Variants in TATDN1 observed in about 807,000 individuals in gnomAD.
TATDN1 encodes TatD DNase domain containing 1.
In TATDN1, 40 loss-of-function variants were observed where a neutral mutation model predicts 46.4. The ratio of observed to expected loss-of-function variants is 0.86; its 90% confidence interval spans 0.67 to 1.12. The LOEUF is 1.12. Ranked by LOEUF, TATDN1 falls within the 50% of genes most tolerant of loss-of-function variation. The probability of loss-of-function intolerance (pLI) is 0.00; values close to 1 mark genes in which losing one functional copy is unlikely to be tolerated. For missense variants in TATDN1, 326 were observed against 348.4 expected (o/e 0.94, Z 0.51); for synonymous variants, 95 against 105.6 (o/e 0.90, Z 0.62).
In TATDN1 at chr8:124,522,209, GATAAACTCTGTATT is replaced by G. The variant is rs1277610865; in HGVS notation, c.89-23_89-10del. On this transcript the variant is annotated splice_polypyrimidine_tract_variant and intron_variant, in intron 2 of 11. Coordinates refer to ENST00000276692, the MANE Select transcript of TATDN1 (RefSeq NM_032026.4). Reference sequence around the variant, plus strand: ...TACATCCTGTAAGTCATCTGTAAAAGATAAACTCTGTATTATGAAAACCTGGCAGACAAAAATTT... The same window carrying G: ...TACATCCTGTAAGTCATCTGTAAAAGATGAAAACCTGGCAGACAAAAATTT... The G allele has an allele frequency of 7.6e-6, 12 of 1,573,826 alleles. No individual in the cohort carries two copies. Among genetic ancestry groups the G allele is most frequent in the Non-Finnish European group, 1.0e-5 (12 of 1,157,334 alleles).
At chr8:124,529,929 T>C (rs541808903) in intron 1 of TATDN1, among the ~76,000 whole-genome samples, 3 of 152,146 alleles carry the variant, frequency 2.0e-5, no homozygotes, top group Non-Finnish European at 4.4e-5. Flanking sequence ...CAGTCTCTAC[T>C]AAAAATACAA....
intron 9 of TATDN1, among the ~76,000 whole-genome samples, chr8:124,498,253 C>G (rs1449679517): frequency 1.3e-5 from 2 of 152,008 alleles, no homozygotes; most frequent in Non-Finnish European, 2.9e-5. Context: ...TTAGTGGGAC[C>G]TTCTTGTGGG....
At chr8:124,508,409 G>T in intron 8 of TATDN1, 65 bp downstream of exon 8, 1 of 1,378,454 alleles carries the variant, frequency 7.3e-7, no homozygotes, top group Non-Finnish European at 1.0e-6. Flanking sequence ...TTGTACTTGG[G>T]AGTATTTTGG....
At chr8:124,511,879 G>T (rs1322470370) in intron 6 of TATDN1, among the ~76,000 whole-genome samples, 1 of 152,118 alleles carries the variant, frequency 6.6e-6, no homozygotes, top group Non-Finnish European at 1.5e-5. Flanking sequence ...GTTAAGAAAG[G>T]TAGGCAGCAA....
chr8:124,514,217 A>G (rs1027472942), intron 6 of TATDN1, among the ~76,000 whole-genome samples: 2 of 152,068 alleles, frequency 1.3e-5, no homozygotes, highest in East Asian at 1.9e-4. Flanking sequence ...CTCCTCCCCA[A>G]AGTGATTTTC....
At chr8:124,527,539 G>A (rs1038523552) in intron 1 of TATDN1, among the ~76,000 whole-genome samples, 1 of 152,042 alleles carries the variant, frequency 6.6e-6, no homozygotes, top group African/African-American at 2.4e-5. Flanking sequence ...GTCTGGTATC[G>A]GTTAGTGAGG....
intron 11 of TATDN1, chr8:124,489,769 AT>A (rs1816794107): frequency 6.6e-6 from 1 of 152,200 alleles, no homozygotes; most frequent in African/African-American, 2.4e-5. Context: ...CTCCATACTT[AT>A]TATATATAAG....
intron 3 of TATDN1, among the ~76,000 whole-genome samples, chr8:124,519,346 T>C (rs992775907): frequency 6.6e-6 from 1 of 152,208 alleles, no homozygotes; most frequent in African/African-American, 2.4e-5. Context: ...CTCACTCTAC[T>C]GCAAGTGTCC....
At chr8:124,504,509 T>C (rs1818233161) in intron 8 of TATDN1, 162 bp from the exon 9 acceptor site, 5 of 434,116 alleles carry the variant, frequency 1.2e-5, no homozygotes, top group African/African-American at 2.1e-5. Flanking sequence ...TCATATTATT[T>C]TTCACAATTA....
intron 4 of TATDN1, among the ~76,000 whole-genome samples, chr8:124,517,964 C>A (rs1467198174): frequency 2.6e-5 from 4 of 152,112 alleles, no homozygotes; most frequent in Admixed American, 1.3e-4. Context: ...GTAATCCCAG[C>A]GCTTTGGGAG....
intron 1 of TATDN1, among the ~76,000 whole-genome samples, chr8:124,538,765 C>A (rs561007398): frequency 6.6e-6 from 1 of 152,306 alleles, no homozygotes; most frequent in South Asian, 2.1e-4. Flanking sequence ...GAATACATTA[C>A]AGATGTTGAA....
intron 3 of TATDN1, among the ~76,000 whole-genome samples, chr8:124,520,557 C>G (rs185040214): frequency 2.0e-5 from 3 of 152,056 alleles, no homozygotes; most frequent in Admixed American, 6.5e-5. Context: ...AAATACTAAC[C>G]AAGTATACTT....
At position 124,530,803 on chromosome 8, in the gene TATDN1, C is replaced by T. The variant is rs77377700; in HGVS notation, c.23-7801G>A. 4.1e-3 allele frequency among the ~76,000 whole-genome samples: 619 copies of T among 152,232 alleles called. 5 individuals are homozygous for T. Among genetic ancestry groups the T allele is most frequent in the African/African-American group, 0.014 (581 of 41,538 alleles). ...CAAATTATTAAATGAGACCCAGTGT[C>T]TTTGAATACAGTCCTGGCCCTGGGT... On this transcript the variant is annotated intron_variant, in intron 1 of 11. Transcript: ENST00000276692.
At chr8:124,489,319 G>A (rs1185605103) in intron 11 of TATDN1, 1 of 152,070 alleles carries the variant, frequency 6.6e-6, no homozygotes, top group Non-Finnish European at 1.5e-5. Flanking sequence ...ATAAGCCCAG[G>A]TGTCCATCCT....
chr8:124,520,239 C>T (rs1179440202), intron 3 of TATDN1, among the ~76,000 whole-genome samples: 1 of 151,924 alleles, frequency 6.6e-6, no homozygotes, highest in Admixed American at 6.6e-5. Context: ...GAGTTTGAGA[C>T]CATCCTGGCC....
chr8:124,518,781 A>G, intron 4 of TATDN1, 37 bp downstream of exon 4: 1 of 1,497,426 alleles, frequency 6.7e-7, no homozygotes, highest in South Asian at 1.1e-5. Flanking sequence ...AAATTACTTA[A>G]TTCATTTTTT....
chr8:124,515,687 A>G lies in TATDN1; in HGVS notation c.389+59T>C. The G allele has an allele frequency of 2.6e-6, 4 of 1,514,164 alleles. No homozygotes were observed. The South Asian group carries it at 3.5e-5, about 13-fold the overall frequency. 93.8% of individuals were successfully genotyped at this position (1,514,164 alleles called of 1,614,324 possible). On this transcript the variant is annotated intron_variant, in intron 6 of 11. Coordinates refer to ENST00000276692, the MANE Select transcript of TATDN1 (RefSeq NM_032026.4). ...CAACTATACTCTCACCTGATACAAG[A>G]TATTTTAAAAATCACTCATGATTTT...
intron 10 of TATDN1, 59 bp downstream of exon 10, chr8:124,495,413 A>T: frequency 1.5e-6 from 2 of 1,335,128 alleles, no homozygotes; most frequent in South Asian, 2.6e-5. Flanking sequence ...TTCTTTCTCC[A>T]GCTTTCCTTT....
intron 4 of TATDN1, 141 bp downstream of exon 4, chr8:124,518,677 A>C: frequency 1.6e-6 from 1 of 640,734 alleles, no homozygotes; most frequent in Non-Finnish European, 2.8e-6. Context: ...TTGTCATCTT[A>C]ATCATGTCCC....
Sources: gnomAD v4.1 joint callset for allele counts (sites outside exome capture counted in the v4.1 genomes callset) on GRCh38, gnomAD v4.1.1 for gene constraint, MANE v1.5 for transcripts, NCBI Gene and HGNC (gene_info 2026-07-23, HGNC 2026-07-21) for gene names.